The following MAF variants were observed in gnomAD, a reference collection of about 807,000 sequenced individuals.
MAF encodes the protein MAF bZIP transcription factor.
MAF carries 10 observed loss-of-function variants against 22.0 expected under a neutral mutation model. The ratio of observed to expected loss-of-function variants is 0.45; its 90% confidence interval spans 0.28 to 0.77. The LOEUF is 0.77. Among genes scored for constraint, MAF ranks in the 30% least tolerant of loss-of-function variants. The probability of loss-of-function intolerance (pLI) is 0.12; values close to 1 mark genes in which losing one functional copy is unlikely to be tolerated. For synonymous variants in MAF, 337 were observed against 255.8 expected (o/e 1.32, Z -3.03); for missense variants, 544 against 548.4 (o/e 0.99, Z 0.08).
chr16:79,233,979 GA>G, the MAF span, among the ~76,000 whole-genome samples: 1 of 144,370 alleles, frequency 6.9e-6, no homozygotes. Flanking sequence ...GCGAAAGAGT[GA>G]GACTCCATCG....
the MAF span, among the ~76,000 whole-genome samples, chr16:79,504,051 T>A: frequency 2.0e-5 from 3 of 152,218 alleles, no homozygotes; most frequent in African/African-American, 7.2e-5. Flanking sequence ...AAAGGATAAG[T>A]TCTTCCACTC....
chr16:79,376,228 GTTTTA>G, the MAF span, among the ~76,000 whole-genome samples: 1 of 151,806 alleles, frequency 6.6e-6, no homozygotes, highest in Non-Finnish European at 1.5e-5. Context: ...CTGTTTACTT[GTTTTA>G]TTTAATTTTA....
the MAF span, among the ~76,000 whole-genome samples, chr16:79,293,703 G>A: frequency 6.6e-6 from 1 of 152,110 alleles, no homozygotes; most frequent in Non-Finnish European, 1.5e-5. Flanking sequence ...TGTTCACCTA[G>A]TAGAAATTGT....
At chr16:79,498,711 C>A in the MAF span, among the ~76,000 whole-genome samples, 1,595 of 152,312 alleles carry the variant, frequency 0.01, 12 homozygotes, top group Non-Finnish European at 0.019. Context: ...GGATTCAAAT[C>A]CATGAGTTTG....
the MAF span, among the ~76,000 whole-genome samples, chr16:79,353,255 A>C: frequency 2.1e-4 from 32 of 152,114 alleles, no homozygotes; most frequent in South Asian, 1.0e-3. Flanking sequence ...CTGCCTCCCA[A>C]GTAGCTGGGA....
the MAF span, among the ~76,000 whole-genome samples, chr16:79,329,000 C>T: frequency 6.6e-6 from 1 of 152,048 alleles, no homozygotes; most frequent in African/African-American, 2.4e-5. Context: ...AGCTCTGAAA[C>T]ATGAAGGAGC....
the MAF span, among the ~76,000 whole-genome samples, chr16:79,240,010 T>A: frequency 6.6e-6 from 1 of 151,936 alleles, no homozygotes; most frequent in Non-Finnish European, 1.5e-5. Flanking sequence ...TTACCCAAAT[T>A]ATTATTTTAA....
At chr16:79,296,086 G>T in the MAF span, among the ~76,000 whole-genome samples, 1 of 152,246 alleles carries the variant, frequency 6.6e-6, no homozygotes, top group Non-Finnish European at 1.5e-5. Flanking sequence ...GTCGAAAGCT[G>T]ATTCCAGCAT....
chr16:79,491,779 G>C, the MAF span, among the ~76,000 whole-genome samples: 2 of 152,140 alleles, frequency 1.3e-5, no homozygotes, highest in Admixed American at 1.3e-4. Context: ...TATGAGCCTT[G>C]GGATAGCACT....
the MAF span, among the ~76,000 whole-genome samples, chr16:79,549,137 T>G: frequency 6.6e-6 from 1 of 152,170 alleles, no homozygotes; most frequent in Non-Finnish European, 1.5e-5. Flanking sequence ...TGCATACATA[T>G]AGTTAATGGG....
chr16:79,381,267 T>C, the MAF span, among the ~76,000 whole-genome samples: 2 of 152,252 alleles, frequency 1.3e-5, no homozygotes, highest in African/African-American at 2.4e-5. Context: ...TTTAGACTAA[T>C]TGTGGTTTTA....
chr16:79,389,269 T>C, the MAF span, among the ~76,000 whole-genome samples: 2 of 152,176 alleles, frequency 1.3e-5, no homozygotes, highest in African/African-American at 4.8e-5. Context: ...ATTTATTTAT[T>C]AATTATTTAT....
At chr16:79,456,179 C>T in the MAF span, among the ~76,000 whole-genome samples, 32 of 152,234 alleles carry the variant, frequency 2.1e-4, no homozygotes, top group African/African-American at 6.0e-4. Context: ...ACAGCTGCAT[C>T]CACCCCGCAC....
At chr16:79,391,462 T>A in the MAF span, among the ~76,000 whole-genome samples, 158 of 152,134 alleles carry the variant, frequency 1.0e-3, no homozygotes, top group African/African-American at 3.5e-3. Flanking sequence ...TCTATTAAGG[T>A]AAAGGTTTTA....
At chr16:79,275,944 G>A in the MAF span, among the ~76,000 whole-genome samples, 6 of 152,170 alleles carry the variant, frequency 3.9e-5, no homozygotes, top group East Asian at 1.9e-4. Context: ...GATCGAGACC[G>A]TCCTGGCTAA....
chr16:79,530,364 G>C, the MAF span, among the ~76,000 whole-genome samples: 27 of 152,254 alleles, frequency 1.8e-4, no homozygotes, highest in South Asian at 4.1e-3. Flanking sequence ...GGGTCCCAAA[G>C]TGCCTACTTC....
At chr16:79,393,895 T>G in the MAF span, among the ~76,000 whole-genome samples, 1 of 152,176 alleles carries the variant, frequency 6.6e-6, no homozygotes, top group Admixed American at 6.5e-5. Flanking sequence ...ATAATGAAGT[T>G]AACAATAGCA....
the MAF span, among the ~76,000 whole-genome samples, chr16:79,470,903 G>A: frequency 4.6e-5 from 7 of 152,218 alleles, no homozygotes; most frequent in African/African-American, 1.4e-4. Context: ...CTGATGCAGT[G>A]AGAGGCACTC....
the MAF span, among the ~76,000 whole-genome samples, chr16:79,307,153 C>A: frequency 6.6e-6 from 1 of 152,214 alleles, no homozygotes; most frequent in Non-Finnish European, 1.5e-5. Flanking sequence ...ATGAAACCCT[C>A]CCATAAATCA....
Sources: gnomAD v4.1 joint callset for allele counts (sites outside exome capture counted in the v4.1 genomes callset) on GRCh38, gnomAD v4.1.1 for gene constraint, MANE v1.5 for transcripts, NCBI Gene and HGNC (gene_info 2026-07-23, HGNC 2026-07-21) for gene names.